FRMD4B: variants seen among roughly 807,000 people sequenced by gnomAD.
FRMD4B encodes FERM domain-containing protein 4B.
A neutral mutation model predicts 141.5 loss-of-function variants in FRMD4B; 74 were observed. That is an observed-to-expected ratio of 0.52 (90% CI 0.43 to 0.63). The LOEUF (loss-of-function observed/expected upper bound fraction) is 0.63. Ranked by LOEUF, FRMD4B falls within the 30% of genes least tolerant of loss-of-function variation. FRMD4B has a pLI of 0.00. For missense variants in FRMD4B, 1,366 were observed against 1,253.4 expected (o/e 1.09, Z -1.36); for synonymous variants, 506 against 467.9 (o/e 1.08, Z -1.05).
At chr3:69,397,154 G>A (rs1245997252) in intron 2 of FRMD4B, among the ~76,000 whole-genome samples, 1 of 152,082 alleles carries the variant, frequency 6.6e-6, no homozygotes, top group Admixed American at 6.6e-5. Context: ...TGTAGTATAC[G>A]TATATGACGG....
chr3:69,173,591 T>C (rs1404948224), intron 22 of FRMD4B, among the ~76,000 whole-genome samples: 1 of 152,256 alleles, frequency 6.6e-6, no homozygotes, highest in Non-Finnish European at 1.5e-5. Context: ...TATGAATGAT[T>C]GTTATTATCC....
At position 69,237,381 on chromosome 3, in the gene FRMD4B, G is replaced by C. The variant is rs2093352042; in HGVS notation, c.581+11845C>G. Among the ~76,000 whole-genome samples, 3 of 152,242 alleles carry C rather than the reference G, an allele frequency of 2.0e-5. No homozygotes were observed. In the South Asian group the frequency reaches 6.2e-4, roughly 32 times the overall value. ...ATCAGACCTTAAACCAAGTCAGGTT[G>C]CAGCTATTTACAGAGTGAAAAGTGA... On this transcript the variant is annotated intron_variant, in intron 7 of 22. Transcript: ENST00000398540.
intron 1 of FRMD4B, among the ~76,000 whole-genome samples, chr3:69,518,043 C>G (rs940873532): frequency 1.3e-5 from 2 of 152,150 alleles, no homozygotes; most frequent in African/African-American, 4.8e-5. Flanking sequence ...CTTTGAGAAC[C>G]ACAGGAATCT....
intron 17 of FRMD4B, among the ~76,000 whole-genome samples, chr3:69,192,822 A>C (rs879532925): frequency 6.8e-6 from 1 of 147,360 alleles, no homozygotes; most frequent in African/African-American, 2.5e-5. Context: ...AATTTTGTTC[A>C]CTTTTTTTTT....
At chr3:69,540,897 C>T (rs6549234) in intron 1 of FRMD4B, among the ~76,000 whole-genome samples, 1,899 of 151,866 alleles carry the variant, frequency 0.013, 49 homozygotes, top group African/African-American at 0.043. Context: ...ATGGATGATG[C>T]CCCAAAAGTG....
At chr3:69,296,934 T>G (rs1411194555) in intron 4 of FRMD4B, among the ~76,000 whole-genome samples, 1 of 152,236 alleles carries the variant, frequency 6.6e-6, no homozygotes, top group Non-Finnish European at 1.5e-5. Context: ...AGAGATTAAC[T>G]GTTGTTAACA....
rs375145525 is a variant in FRMD4B at position 69,181,309 on chromosome 3, T to G, written c.2441A>C (p.Glu814Ala). The change falls in exon 21 of 23, where the codon GAG becomes GCG. Residue 814 changes from glutamate to alanine, a missense_variant. Coordinates refer to ENST00000398540, the MANE Select transcript of FRMD4B (RefSeq NM_015123.3). ...ACCACCACTGTAATAAAAGTCACACTCTGCATAGGGTGTGTACCCGGCAAT... is the reference window on the plus strand; with the variant it reads ...ACCACCACTGTAATAAAAGTCACACGCTGCATAGGGTGTGTACCCGGCAAT... Reference protein sequence around the residue: ...YYIAGYTPYAECDFYYSGGYV... With the variant: ...YYIAGYTPYAACDFYYSGGYV... 3 of 1,613,606 alleles carry G rather than the reference T, an allele frequency of 1.9e-6. No individual in the cohort carries two copies. The African/African-American group carries it at 4.0e-5, about 22-fold the overall frequency.
At chr3:69,215,078 C>T (rs2093126272) in intron 11 of FRMD4B, among the ~76,000 whole-genome samples, 1 of 151,488 alleles carries the variant, frequency 6.6e-6, no homozygotes, top group Non-Finnish European at 1.5e-5. Context: ...CGGGGTTTCA[C>T]CTTGTTGCCT....
At chr3:69,261,579 G>C (rs1342486291) in intron 5 of FRMD4B, among the ~76,000 whole-genome samples, 2 of 152,220 alleles carry the variant, frequency 1.3e-5, no homozygotes, top group African/African-American at 4.8e-5. Context: ...ACATGAAACA[G>C]ACTTTATATC....
intron 1 of FRMD4B, among the ~76,000 whole-genome samples, chr3:69,520,577 A>G (rs1575599157): frequency 6.6e-6 from 1 of 151,918 alleles, no homozygotes; most frequent in Non-Finnish European, 1.5e-5. Context: ...TGGCTGCTGG[A>G]AGCCACTCAG....
At chr3:69,201,733 A>C (rs1026245147) in intron 11 of FRMD4B, among the ~76,000 whole-genome samples, 12 of 152,182 alleles carry the variant, frequency 7.9e-5, no homozygotes, top group African/African-American at 2.9e-4. Flanking sequence ...AGCTCTACAA[A>C]CGGCAATGGA....
chr3:69,456,301 C>T (rs1228402411), intron 1 of FRMD4B, among the ~76,000 whole-genome samples: 5 of 152,102 alleles, frequency 3.3e-5, no homozygotes, highest in Admixed American at 2.6e-4. Context: ...TGTAAGTTTT[C>T]GAGAAAGCAG....
chr3:69,393,655 T>C (rs1054669120), intron 2 of FRMD4B, among the ~76,000 whole-genome samples: 4 of 152,218 alleles, frequency 2.6e-5, no homozygotes, highest in Admixed American at 2.0e-4. Flanking sequence ...TTGGTCTATA[T>C]AGCACCATTT....
At chr3:69,419,463 GA>G (rs1241198902) in intron 2 of FRMD4B, among the ~76,000 whole-genome samples, 2 of 152,112 alleles carry the variant, frequency 1.3e-5, no homozygotes, top group Non-Finnish European at 2.9e-5. Flanking sequence ...ACCCGTTGTG[GA>G]AAGTGAGATT....
chr3:69,201,893 A>T (rs1390503825), intron 11 of FRMD4B, among the ~76,000 whole-genome samples: 1 of 152,074 alleles, frequency 6.6e-6, no homozygotes, highest in Non-Finnish European at 1.5e-5. Context: ...TCTGGTCAAA[A>T]TCAAGAGAGG....
intron 2 of FRMD4B, among the ~76,000 whole-genome samples, chr3:69,431,134 A>T (rs1705172084): frequency 6.6e-6 from 1 of 152,228 alleles, no homozygotes; most frequent in Admixed American, 6.5e-5. Flanking sequence ...GGAGCTAAGG[A>T]GGTGAGGCTA....
chr3:69,176,717 A>C, intron 21 of FRMD4B, 61 bp from the exon 22 acceptor site: 1 of 1,171,182 alleles, frequency 8.5e-7, no homozygotes, highest in Non-Finnish European at 1.2e-6. Context: ...AAAATTGTTA[A>C]GGTCATTCAG....
In FRMD4B at chr3:69,353,648, C is replaced by CGT; in HGVS notation, c.162+32179_162+32180insAC. On this transcript the variant is annotated intron_variant, in intron 1 of 22. Transcript: ENST00000398540. Reference sequence around the variant, plus strand: ...TGTGCGGTGTGTGTGTGTGTGCGCGCGCGTGTGTGTGCGCGCATGTGCTTG... The same window carrying CGT: ...TGTGCGGTGTGTGTGTGTGTGCGCGCGTGCGTGTGTGTGCGCGCATGTGCTTG... 4 of 983,232 alleles carry CGT rather than the reference C, an allele frequency of 4.1e-6. No individual in the cohort carries two copies. The South Asian group carries it at 1.4e-4, about 35-fold the overall frequency. The allele number at this position is 983,232 out of a possible 1,614,324, so 60.9% of individuals were successfully genotyped here. A position where few individuals can be genotyped will look rare whatever the true frequency, so the allele number is the denominator to read the frequency against.
At chr3:69,215,279 AC>A (rs2093128376) in intron 11 of FRMD4B, among the ~76,000 whole-genome samples, 2 of 44,432 alleles carry the variant, frequency 4.5e-5, no homozygotes, top group Non-Finnish European at 1.2e-4. Flanking sequence ...ATAGATTGTG[AC>A]CCTCTTTTTT....
Sources: gnomAD v4.1 joint callset for allele counts (sites outside exome capture counted in the v4.1 genomes callset) on GRCh38, gnomAD v4.1.1 for gene constraint, MANE v1.5 for transcripts, NCBI Gene and HGNC (gene_info 2026-07-23, HGNC 2026-07-21) for gene names.